Variants in MACROD2 observed in about 807,000 individuals in gnomAD.
MACROD2 encodes ADP-ribose glycohydrolase MACROD2.
Under a neutral mutation model 70.4 loss-of-function variants are expected in MACROD2, and 36 were observed. The observed-to-expected ratio is 0.51, with a 90% confidence interval of 0.39 to 0.68. The LOEUF (loss-of-function observed/expected upper bound fraction) is 0.68, where lower values mean the gene tolerates loss of function less well. Among genes scored for constraint, MACROD2 ranks in the 30% least tolerant of loss-of-function variants. The pLI, the probability that MACROD2 is intolerant of heterozygous loss-of-function variation, is 0.00. For missense variants in MACROD2, 496 were observed against 538.4 expected (o/e 0.92, Z 0.78); for synonymous variants, 172 against 178.8 (o/e 0.96, Z 0.30).
chr20:14,930,799 C>T (rs2074287783), intron 5 of MACROD2, among the ~76,000 whole-genome samples: 1 of 140,752 alleles, frequency 7.1e-6, no homozygotes, highest in South Asian at 2.3e-4. Context: ...AAGTCTATCT[C>T]CTGTTCCCAT....
At chr20:15,165,458 A>T (rs2076377297) in intron 5 of MACROD2, among the ~76,000 whole-genome samples, 1 of 152,250 alleles carries the variant, frequency 6.6e-6, no homozygotes, top group Non-Finnish European at 1.5e-5. Context: ...TGCATCTAAA[A>T]AAGAACAACT....
chr20:14,273,134 C>G (rs1555775840), intron 3 of MACROD2, among the ~76,000 whole-genome samples: 1 of 152,094 alleles, frequency 6.6e-6, no homozygotes, highest in African/African-American at 2.4e-5. Context: ...CAGCTCTGCA[C>G]CAAGCGGATC....
chr20:14,791,337 G>A (rs1026019266), intron 5 of MACROD2, among the ~76,000 whole-genome samples: 1 of 152,034 alleles, frequency 6.6e-6, no homozygotes, highest in Admixed American at 6.6e-5. Context: ...TCGTGGTTTA[G>A]GAAGTGCTTT....
chr20:14,796,544 C>A (rs1429212251), intron 5 of MACROD2, among the ~76,000 whole-genome samples: 1 of 152,028 alleles, frequency 6.6e-6, no homozygotes, highest in Non-Finnish European at 1.5e-5. Flanking sequence ...TGAATTACTT[C>A]CTTATCGGAG....
intron 8 of MACROD2, among the ~76,000 whole-genome samples, chr20:15,777,496 TC>T (rs906575902): frequency 3.9e-5 from 3 of 76,730 alleles, no homozygotes; most frequent in South Asian, 3.6e-4. Context: ...TTCTTTTTTT[TC>T]CTTCCTTCCT....
At chr20:15,368,834 A>C (rs980210663) in intron 6 of MACROD2, among the ~76,000 whole-genome samples, 2 of 152,144 alleles carry the variant, frequency 1.3e-5, no homozygotes, top group African/African-American at 4.8e-5. Flanking sequence ...GCTAGTTTCA[A>C]CCTGAGTTGT....
intron 2 of MACROD2, among the ~76,000 whole-genome samples, chr20:14,037,913 G>T (rs975189852): frequency 6.6e-6 from 1 of 152,104 alleles, no homozygotes; most frequent in Admixed American, 6.5e-5. Context: ...TACTCAGGAG[G>T]TTGAGGTGGG....
intron 4 of MACROD2, among the ~76,000 whole-genome samples, chr20:14,655,366 G>T (rs1002792442): frequency 7.5e-6 from 1 of 133,658 alleles, no homozygotes; most frequent in Admixed American, 7.3e-5. Context: ...TGTTTTGAGG[G>T]TGTGCTTGTG....
rs114978278 is a variant in MACROD2 at position 15,580,205 on chromosome 20, A to G, written c.645+80358A>G. Among the ~76,000 whole-genome samples the G allele has an allele frequency of 6.8e-3, 1,032 of 152,300 alleles. 13 individuals are homozygous for G. Among genetic ancestry groups the G allele is most frequent in the African/African-American group, 0.024 (992 of 41,550 alleles). ...AAAAAAAGAATTGCCTTATTTTCCC[A>G]TCACCAAATTTGCCAATCTACCTGC... On this transcript the variant is annotated intron_variant, in intron 8 of 17. Transcript: ENST00000684519.
At chr20:14,378,828 C>G (rs13042866) in intron 3 of MACROD2, among the ~76,000 whole-genome samples, 24,593 of 152,176 alleles carry the variant, frequency 0.16, 2,654 homozygotes, top group Non-Finnish European at 0.23. Flanking sequence ...TCCAGTTCAT[C>G]AGCATTCTTG....
At chr20:14,963,321 C>G (rs993038035) in intron 5 of MACROD2, among the ~76,000 whole-genome samples, 2 of 152,090 alleles carry the variant, frequency 1.3e-5, no homozygotes, top group Non-Finnish European at 2.9e-5. Flanking sequence ...CCCTGTTTTG[C>G]CCTTCCCTCA....
At chr20:14,320,843 C>T (rs1357072192) in intron 3 of MACROD2, among the ~76,000 whole-genome samples, 3 of 152,136 alleles carry the variant, frequency 2.0e-5, no homozygotes, top group East Asian at 1.9e-4. Context: ...TTTTATTTCT[C>T]GATAATTTTG....
chr20:15,350,478 G>T (rs895659795), intron 6 of MACROD2, among the ~76,000 whole-genome samples: 2 of 152,136 alleles, frequency 1.3e-5, no homozygotes, highest in Non-Finnish European at 2.9e-5. Context: ...AAGCCAAATT[G>T]ATATTAAATA....
At chr20:15,955,074 G>A (rs1258149424) in intron 12 of MACROD2, among the ~76,000 whole-genome samples, 6 of 152,108 alleles carry the variant, frequency 3.9e-5, no homozygotes, top group Non-Finnish European at 7.4e-5. Context: ...CTCTGCTTGG[G>A]GTTGTCTGTG....
chr20:14,044,638 G>C (rs970274564), intron 2 of MACROD2, among the ~76,000 whole-genome samples: 11 of 152,182 alleles, frequency 7.2e-5, no homozygotes, highest in African/African-American at 2.7e-4. Context: ...GCTAGATACA[G>C]AGTGTTGACT....
At chr20:15,468,041 G>A (rs537484958) in intron 7 of MACROD2, among the ~76,000 whole-genome samples, 1 of 152,258 alleles carries the variant, frequency 6.6e-6, no homozygotes, top group South Asian at 2.1e-4. Context: ...TTACTTTCTG[G>A]ATAGACCTTT....
At chr20:14,257,958 T>C (rs538788944) in intron 3 of MACROD2, among the ~76,000 whole-genome samples, 2 of 152,290 alleles carry the variant, frequency 1.3e-5, no homozygotes, top group African/African-American at 4.8e-5. Flanking sequence ...ATAGCTTGGC[T>C]CCCATTTAAA....
At chr20:14,599,297 G>A (rs6042810) in intron 4 of MACROD2, among the ~76,000 whole-genome samples, 44,467 of 152,006 alleles carry the variant, frequency 0.29, 10,526 homozygotes, top group African/African-American at 0.64. Flanking sequence ...CTGTTAAAGC[G>A]TTGAGGACAG....
At chr20:14,856,071 A>G (rs2073252844) in intron 5 of MACROD2, among the ~76,000 whole-genome samples, 1 of 152,154 alleles carries the variant, frequency 6.6e-6, no homozygotes, top group Non-Finnish European at 1.5e-5. Context: ...ATTATATTAC[A>G]TGAAACATAC....
Sources: allele counts gnomAD v4.1 joint callset (sites outside exome capture counted in the v4.1 genomes callset), GRCh38; gene constraint gnomAD v4.1.1; transcripts MANE v1.5; gene names NCBI Gene and HGNC (gene_info 2026-07-23, HGNC 2026-07-21).